SUMF1: variants seen among roughly 807,000 people sequenced by gnomAD.
The protein encoded by SUMF1 is sulfatase modifying factor 1, also known as formylglycine-generating enzyme.
In SUMF1, 48 loss-of-function variants were observed where a neutral mutation model predicts 47.6. The ratio of observed to expected loss-of-function variants is 1.01; its 90% confidence interval spans 0.80 to 1.28. The LOEUF (loss-of-function observed/expected upper bound fraction) is 1.28. Ranked by LOEUF, SUMF1 falls within the 50% of genes most tolerant of loss-of-function variation. The probability of loss-of-function intolerance (pLI) is 0.00; values close to 1 mark genes in which losing one functional copy is unlikely to be tolerated. For synonymous variants in SUMF1, 230 were observed against 192.1 expected (o/e 1.20, Z -1.63); for missense variants, 571 against 485.4 (o/e 1.18, Z -1.66).
intron 8 of SUMF1, among the ~76,000 whole-genome samples, chr3:4,270,040 A>G (rs3846153): frequency 0.37 from 55,760 of 151,968 alleles, 11,008 homozygotes; most frequent in Non-Finnish European, 0.45. Context: ...ACTACAAATA[A>G]GGTATTTTTA....
chr3:4,427,031 A>G (rs1702089197), intron 3 of SUMF1, among the ~76,000 whole-genome samples: 1 of 152,218 alleles, frequency 6.6e-6, no homozygotes, highest in Non-Finnish European at 1.5e-5. Context: ...ACATAACCAG[A>G]CTTGTAGTAG....
intron 9 of SUMF1, among the ~76,000 whole-genome samples, chr3:4,038,208 T>C (rs900257124): frequency 2.0e-5 from 3 of 152,112 alleles, no homozygotes; most frequent in Non-Finnish European, 2.9e-5. Flanking sequence ...CTTTCACTTG[T>C]CTCCTGGGGG....
intron 8 of SUMF1, among the ~76,000 whole-genome samples, chr3:4,332,385 G>A (rs1490013559): frequency 6.6e-6 from 1 of 152,210 alleles, no homozygotes; most frequent in South Asian, 2.1e-4. Context: ...AAACAAGGTA[G>A]AAAATTTATA....
At chr3:4,388,478 C>G (rs561825872) in intron 7 of SUMF1, among the ~76,000 whole-genome samples, 11 of 152,014 alleles carry the variant, frequency 7.2e-5, no homozygotes, top group Non-Finnish European at 1.3e-4. Context: ...TTCTTGTACA[C>G]AGCATATAAT....
chr3:4,382,660 G>C (rs781512907), intron 7 of SUMF1, among the ~76,000 whole-genome samples: 1 of 152,094 alleles, frequency 6.6e-6, no homozygotes, highest in Non-Finnish European at 1.5e-5. Flanking sequence ...GCAAAGACTT[G>C]GAACCAACCC....
intron 8 of SUMF1, among the ~76,000 whole-genome samples, chr3:4,346,458 T>A (rs1212053986): frequency 6.6e-6 from 1 of 152,086 alleles, no homozygotes; most frequent in African/African-American, 2.4e-5. Context: ...AAGGCAGATA[T>A]CAGGAAGTTC....
chr3:4,069,519 C>T (rs1453554557), intron 8 of SUMF1, among the ~76,000 whole-genome samples: 2 of 152,080 alleles, frequency 1.3e-5, no homozygotes, highest in East Asian at 3.8e-4. Context: ...ATCTATGTGC[C>T]CTCTTCCATT....
At chr3:4,271,475 A>G (rs1464606283) in intron 8 of SUMF1, among the ~76,000 whole-genome samples, 1 of 75,400 alleles carries the variant, frequency 1.3e-5, no homozygotes, top group Non-Finnish European at 2.8e-5. Context: ...CTATAGATAG[A>G]TAGATAGATA....
chr3:4,383,292 T>C (rs1280967911), intron 7 of SUMF1, among the ~76,000 whole-genome samples: 1 of 152,120 alleles, frequency 6.6e-6, no homozygotes, highest in Non-Finnish European at 1.5e-5. Context: ...GGCAGGAGAA[T>C]TGCTTGAACC....
intron 8 of SUMF1, among the ~76,000 whole-genome samples, chr3:4,122,140 A>T (rs542056993): frequency 6.6e-6 from 1 of 152,128 alleles, no homozygotes; most frequent in East Asian, 1.9e-4. Flanking sequence ...GGTTGATTCC[A>T]TGTCTTTGCT....
At chr3:4,053,703 A>C (rs1047145081) in intron 9 of SUMF1, among the ~76,000 whole-genome samples, 1 of 152,124 alleles carries the variant, frequency 6.6e-6, no homozygotes, top group Non-Finnish European at 1.5e-5. Context: ...AGGTTTTTGA[A>C]GTGGAAGGAA....
intron 8 of SUMF1, chr3:4,303,435 AGG>A: frequency 6.4e-7 from 1 of 1,552,172 alleles, no homozygotes; most frequent in Non-Finnish European, 8.7e-7. Context: ...GAGAAGCCTG[AGG>A]CCCCGACTGA....
chr3:4,189,327 G>A (rs116433769), intron 8 of SUMF1, among the ~76,000 whole-genome samples: 3,346 of 152,134 alleles, frequency 0.022, 112 homozygotes, highest in African/African-American at 0.077. Flanking sequence ...TCCAACTCAA[G>A]GCTAACTTTG....
chr3:4,404,432 T>C (rs1480524996), intron 7 of SUMF1, among the ~76,000 whole-genome samples: 1 of 152,226 alleles, frequency 6.6e-6, no homozygotes, highest in Non-Finnish European at 1.5e-5. Context: ...ATCAAACTGA[T>C]TTATTCATGT....
chr3:4,403,099 C>T (rs1283370646), intron 7 of SUMF1, among the ~76,000 whole-genome samples: 1 of 152,208 alleles, frequency 6.6e-6, no homozygotes, highest in Non-Finnish European at 1.5e-5. Flanking sequence ...ATCTGCCAAA[C>T]ATGGTGCTAA....
chr3:4,339,272 T>C (rs1699219511), intron 8 of SUMF1, among the ~76,000 whole-genome samples: 1 of 152,138 alleles, frequency 6.6e-6, no homozygotes, highest in Admixed American at 6.5e-5. Flanking sequence ...AAGTCTCAAC[T>C]TGTCCCATTT....
intron 8 of SUMF1, among the ~76,000 whole-genome samples, chr3:4,367,163 T>C (rs979603084): frequency 2.5e-4 from 38 of 151,918 alleles, no homozygotes; most frequent in African/African-American, 8.7e-4. Flanking sequence ...TGCTCGGGGG[T>C]CAGGGGTCAG....
At chr3:4,141,115 G>A (rs1694061822) in intron 8 of SUMF1, among the ~76,000 whole-genome samples, 1 of 152,136 alleles carries the variant, frequency 6.6e-6, no homozygotes, top group South Asian at 2.1e-4. Flanking sequence ...AATAGGTCAA[G>A]TCAGTCACAA....
chr3:4,245,498 A>T (rs906010457), intron 8 of SUMF1, among the ~76,000 whole-genome samples: 6 of 152,014 alleles, frequency 3.9e-5, no homozygotes, highest in African/African-American at 1.4e-4. Flanking sequence ...CAGGCCCCTC[A>T]GCTGCAGGTC....
Sources: gnomAD v4.1 joint callset for allele counts (sites outside exome capture counted in the v4.1 genomes callset) on GRCh38, gnomAD v4.1.1 for gene constraint, MANE v1.5 for transcripts, NCBI Gene and HGNC (gene_info 2026-07-23, HGNC 2026-07-21) for gene names.